Variants in SEC63 observed in about 807,000 individuals in gnomAD.
SEC63 encodes SEC63 protein translocation regulator, also known as translocation protein SEC63 homolog.
A neutral mutation model predicts 116.2 loss-of-function variants in SEC63; 56 were observed. That is an observed-to-expected ratio of 0.48 (90% CI 0.39 to 0.60). The LOEUF is 0.60. SEC63 is among the 20% of genes least tolerant of loss of function. SEC63 has a pLI of 0.00. For missense variants in SEC63, 668 were observed against 900.0 expected, an observed-to-expected ratio of 0.74 and a Z score of 3.30; for synonymous variants, 273 against 294.6, an observed-to-expected ratio of 0.93 and a Z score of 0.75.
At chr6:107,929,338 T>C (rs1787746206) in intron 2 of SEC63, 77 bp downstream of exon 2, 1 of 769,774 alleles carries the variant, frequency 1.3e-6, no homozygotes, top group Non-Finnish European at 2.3e-6. Context: ...GACTTATTCA[T>C]CATTACACGT....
intron 5 of SEC63, among the ~76,000 whole-genome samples, chr6:107,913,111 TC>T (rs1225715323): frequency 1.3e-5 from 2 of 152,170 alleles, no homozygotes; most frequent in Non-Finnish European, 2.9e-5. Context: ...TAAGATTTTT[TC>T]CTCCAAATTT....
In SEC63 at chr6:107,924,799, A is replaced by G. The variant is rs1367319289; in HGVS notation, c.339+19T>C. 9.0e-7 allele frequency: 1 copy of G among 1,105,066 alleles called. No homozygotes were observed. Among genetic ancestry groups the G allele is most frequent in the Non-Finnish European group, 1.4e-6 (1 of 715,432 alleles). The allele number at this position is 1,105,066 out of a possible 1,614,324, so 68.5% of individuals were successfully genotyped here. A position where few individuals can be genotyped will look rare whatever the true frequency, so the allele number is the denominator to read the frequency against. On this transcript the variant is annotated intron_variant, in intron 3 of 20. Coordinates refer to ENST00000369002, the MANE Select transcript of SEC63 (RefSeq NM_007214.5). ...TGGGACCATTAAACTAATATGCATT[A>G]TATAAAAATACTACTTACAGGATCC...
At chr6:107,950,120 A>G (rs1562342468) in intron 1 of SEC63, among the ~76,000 whole-genome samples, 1 of 152,240 alleles carries the variant, frequency 6.6e-6, no homozygotes, top group Non-Finnish European at 1.5e-5. Context: ...AACAGTAACC[A>G]AAAGATAGCA....
At chr6:107,903,376 C>G (rs1787053864) in intron 11 of SEC63, among the ~76,000 whole-genome samples, 3 of 151,734 alleles carry the variant, frequency 2.0e-5, no homozygotes. Flanking sequence ...GAAATTCCCT[C>G]ATTCTTTTCC....
chr6:107,921,986 C>T (rs971891488), intron 3 of SEC63, 77 bp from the exon 4 acceptor site: 5 of 831,316 alleles, frequency 6.0e-6, no homozygotes, highest in East Asian at 2.5e-5. Context: ...ATAATCAATC[C>T]TATTTTGAAC....
chr6:107,944,464 G>A (rs746455918), intron 1 of SEC63, among the ~76,000 whole-genome samples: 42 of 152,128 alleles, frequency 2.8e-4, no homozygotes, highest in Middle Eastern at 3.2e-3. Flanking sequence ...TTGGGAGGCC[G>A]AGGTGGGCAC....
chr6:107,919,373 G>A (rs1219963282), intron 4 of SEC63, among the ~76,000 whole-genome samples: 3 of 152,176 alleles, frequency 2.0e-5, no homozygotes, highest in African/African-American at 7.2e-5. Flanking sequence ...CAGATGAGTT[G>A]CTTCTTATAG....
At position 107,874,412 on chromosome 6, in the gene SEC63, G is replaced by A. The variant is rs541419925; in HGVS notation, c.2035-1500C>T. Among the ~76,000 whole-genome samples, 7 of 152,098 alleles carry A rather than the reference G, an allele frequency of 4.6e-5. No homozygotes were observed. The South Asian group carries it at 1.2e-3, about 27-fold the overall frequency. ...GATTGAGACCATCATGGCTAACACA[G>A]TGAAACCCCGTCTCTACTAAAAAAA... On this transcript the variant is annotated intron_variant, in intron 19 of 20. Coordinates refer to ENST00000369002, the MANE Select transcript of SEC63 (RefSeq NM_007214.5).
At chr6:107,957,093 A>G (rs1233273282) in intron 1 of SEC63, 1 of 152,138 alleles carries the variant, frequency 6.6e-6, no homozygotes, top group Non-Finnish European at 1.5e-5. Flanking sequence ...TGAAATATGA[A>G]AAGAATCTGT....
At chr6:107,875,078 G>A (rs1431169386) in intron 19 of SEC63, among the ~76,000 whole-genome samples, 1 of 152,036 alleles carries the variant, frequency 6.6e-6, no homozygotes, top group African/African-American at 2.4e-5. Context: ...TGCCCAGACT[G>A]CTGCTGAATT....
At chr6:107,927,977 C>G (rs975183875) in intron 2 of SEC63, among the ~76,000 whole-genome samples, 1 of 152,104 alleles carries the variant, frequency 6.6e-6, no homozygotes, top group Non-Finnish European at 1.5e-5. Flanking sequence ...TTGGGTGAAT[C>G]TTCCCACTTG....
intron 16 of SEC63, chr6:107,883,367 T>G (rs1441713857): frequency 3.9e-6 from 2 of 518,128 alleles, no homozygotes; most frequent in African/African-American, 3.8e-5. Context: ...TGTTAGTTAT[T>G]TTATTCATTC....
chr6:107,930,478 A>ATG (rs1396852976), intron 1 of SEC63, among the ~76,000 whole-genome samples: 1 of 151,824 alleles, frequency 6.6e-6, no homozygotes, highest in Non-Finnish European at 1.5e-5. Flanking sequence ...GTGGTGGTGC[A>ATG]TGCCTGTAAT....
chr6:107,899,297 T>A (rs1457619278), intron 13 of SEC63, among the ~76,000 whole-genome samples: 1 of 152,216 alleles, frequency 6.6e-6, no homozygotes, highest in East Asian at 1.9e-4. Context: ...TGTAAAAATA[T>A]AAATAAACTG....
rs546503312 is a variant in SEC63, at chr6:107,921,318, A to G, written c.452+479T>C. 2.6e-5 allele frequency among the ~76,000 whole-genome samples: 4 copies of G among 152,244 alleles called. No homozygotes were observed. The East Asian group carries it at 5.8e-4, about 22-fold the overall frequency. ...ATTTAATCAAGTTTACATGGCAAAA[A>G]TTACAGTTTAATTAAATTAAATTAC... On this transcript the variant is annotated intron_variant, in intron 4 of 20. Coordinates refer to ENST00000369002, the MANE Select transcript of SEC63 (RefSeq NM_007214.5).
intron 18 of SEC63, among the ~76,000 whole-genome samples, chr6:107,878,837 A>G (rs1334638718): frequency 6.6e-6 from 1 of 152,104 alleles, no homozygotes; most frequent in Admixed American, 6.5e-5. Flanking sequence ...CCTGGGCAAC[A>G]AGAGCAAAAT....
intron 1 of SEC63, among the ~76,000 whole-genome samples, chr6:107,929,873 TAGTTAAAA>T (rs1384149280): frequency 1.3e-5 from 2 of 152,186 alleles, no homozygotes; most frequent in Non-Finnish European, 2.9e-5. Context: ...AAGTATAAAA[TAGTTAAAA>T]CATGGTTTAT....
At position 107,957,885 on chromosome 6, in the gene SEC63, C is replaced by T; in HGVS notation, c.124+1G>A. 1 of 1,611,370 alleles carries T rather than the reference C, an allele frequency of 6.2e-7. No individual in the cohort carries two copies. The highest frequency in any genetic ancestry group is 8.5e-7 in the Non-Finnish European group (1 of 1,178,742). On this transcript the variant is annotated splice_donor_variant, in intron 1 of 20. Coordinates refer to ENST00000369002, the MANE Select transcript of SEC63 (RefSeq NM_007214.5). LOFTEE classifies it high-confidence loss of function. ...CGCGGGCAAAGGCCGGCGGGACTCA[C>T]CGGCATTCTGATCTCGGGGCCAGAG...
At chr6:107,938,249 T>TTTC in intron 1 of SEC63, among the ~76,000 whole-genome samples, 1 of 118,998 alleles carries the variant, frequency 8.4e-6, no homozygotes, top group South Asian at 2.5e-4. Context: ...GTGAGTTAAT[T>TTTC]TTTTTTTTTT....
Sources: allele counts gnomAD v4.1 joint callset (sites outside exome capture counted in the v4.1 genomes callset), GRCh38; gene constraint gnomAD v4.1.1; transcripts MANE v1.5; gene names NCBI Gene and HGNC (gene_info 2026-07-23, HGNC 2026-07-21).